MSN: variants seen among roughly 807,000 people sequenced by gnomAD.
The protein encoded by MSN is moesin.
A neutral mutation model predicts 48.0 loss-of-function variants in MSN; 2 were observed. The ratio of observed to expected loss-of-function variants is 0.04; its 90% confidence interval spans 0.02 to 0.13. The LOEUF (loss-of-function observed/expected upper bound fraction) is 0.13, where lower values mean the gene tolerates loss of function less well. MSN is among the 10% of genes least tolerant of loss of function. The probability of loss-of-function intolerance (pLI) is 1.00; values close to 1 mark genes in which losing one functional copy is unlikely to be tolerated. For missense variants in MSN, 267 were observed against 470.1 expected (o/e 0.57, Z 3.99); for synonymous variants, 146 against 166.9 (o/e 0.87, Z 0.97).
At chrX:65,648,135 TG>T (rs377057506) in intron 1 of MSN, among the ~76,000 whole-genome samples, 1,359 of 60,399 alleles carry the variant, frequency 0.023, 22 homozygotes, top group African/African-American at 0.079. Flanking sequence ...CTGGAGGGGG[TG>T]GGGGGGGCGT....
intron 1 of MSN, among the ~76,000 whole-genome samples, chrX:65,605,224 T>C (rs1416974378): frequency 8.9e-6 from 1 of 112,635 alleles, no homozygotes; most frequent in African/African-American, 3.2e-5. Flanking sequence ...CCAAAGCTTG[T>C]TCCTACACAA....
chrX:65,736,453 T>C (rs2071676886), intron 8 of MSN, among the ~76,000 whole-genome samples: 1 of 102,893 alleles, frequency 9.7e-6, no homozygotes, highest in Admixed American at 1.0e-4. Context: ...TTTTTTTTTT[T>C]AGATGGAGTC....
At chrX:65,667,653 C>A (rs943756896), upstream of MSN, 13 of 1,038,175 alleles carry the variant, frequency 1.3e-5, no homozygotes, top group African/African-American at 2.5e-4. Flanking sequence ...GCGACAGGGG[C>A]GGCTCTTTCC....
intron 3 of MSN, among the ~76,000 whole-genome samples, chrX:65,728,926 G>C: frequency 8.9e-6 from 1 of 111,777 alleles, no homozygotes; most frequent in Middle Eastern, 4.6e-3. Flanking sequence ...CCCACCTTCT[G>C]CTGGTAGAGT....
chrX:65,648,971 A>T (rs1388838887), intron 1 of MSN, among the ~76,000 whole-genome samples: 3 of 110,765 alleles, frequency 2.7e-5, no homozygotes, highest in African/African-American at 9.8e-5. Flanking sequence ...CTGGGTATGG[A>T]TGAGGAGAAA....
intron 1 of MSN, among the ~76,000 whole-genome samples, chrX:65,657,719 C>T (rs985304079): frequency 3.6e-5 from 4 of 111,497 alleles, no homozygotes; most frequent in Middle Eastern, 4.6e-3. Flanking sequence ...CCTGCTATCT[C>T]GAACCATTAG....
chrX:65,630,917 C>T (rs1055296362), intron 1 of MSN, among the ~76,000 whole-genome samples: 1 of 111,013 alleles, frequency 9.0e-6, no homozygotes, highest in Non-Finnish European at 1.9e-5. Context: ...CTATAGTCCC[C>T]TGCATTTTTC....
At chrX:65,731,301 A>C in intron 5 of MSN, 111 bp downstream of exon 5, 1 of 648,296 alleles carries the variant, frequency 1.5e-6, no homozygotes, top group South Asian at 2.9e-5. Context: ...TTGGAGAAAG[A>C]GGGAACAGGG....
At chrX:65,734,504 A>G (rs1203070251) in intron 7 of MSN, among the ~76,000 whole-genome samples, 1 of 111,949 alleles carries the variant, frequency 8.9e-6, no homozygotes, top group African/African-American at 3.2e-5. Context: ...CCCAAGCTAT[A>G]TGAGACAGTA....
At chrX:65,627,382 T>G (rs906909841) in intron 1 of MSN, among the ~76,000 whole-genome samples, 4 of 109,353 alleles carry the variant, frequency 3.7e-5, no homozygotes, top group African/African-American at 1.4e-4. Flanking sequence ...GACTTACAAT[T>G]CCACATGGCT....
intron 3 of MSN, among the ~76,000 whole-genome samples, chrX:65,728,539 C>T (rs774572792): frequency 4.5e-5 from 5 of 110,595 alleles, no homozygotes; most frequent in African/African-American, 6.6e-5. Flanking sequence ...GTGATCCGCC[C>T]GCCTCGGCCT....
chrX:65,683,022 C>T (rs1403267759), intron 1 of MSN, among the ~76,000 whole-genome samples: 2 of 112,277 alleles, frequency 1.8e-5, no homozygotes, highest in African/African-American at 6.5e-5. Context: ...CAGTAGTGTT[C>T]GTGTCAAGTG....
At chrX:65,608,914 A>G (rs968678391) in intron 1 of MSN, among the ~76,000 whole-genome samples, 3 of 110,878 alleles carry the variant, frequency 2.7e-5, no homozygotes, top group Non-Finnish European at 5.7e-5. Flanking sequence ...CTGGTTGTGA[A>G]GTGAAATTGC....
chrX:65,724,925 G>T (rs995254976), intron 2 of MSN, among the ~76,000 whole-genome samples: 2 of 111,568 alleles, frequency 1.8e-5, no homozygotes, highest in African/African-American at 6.5e-5. Context: ...CTGACCTCAT[G>T]ATCTGCCCAT....
At chrX:65,637,818 A>G (rs2070617690) in intron 1 of MSN, among the ~76,000 whole-genome samples, 1 of 111,493 alleles carries the variant, frequency 9.0e-6, no homozygotes, top group African/African-American at 3.3e-5. Flanking sequence ...GTGAACCACC[A>G]TGCCTCTATT....
intron 1 of MSN, among the ~76,000 whole-genome samples, chrX:65,592,123 A>G (rs1459060590): frequency 9.8e-6 from 1 of 101,959 alleles, no homozygotes; most frequent in Admixed American, 1.1e-4. Context: ...GTCCTCAGAG[A>G]CTCCAAGCAG....
At chrX:65,590,429 C>A (rs1198761993) in intron 1 of MSN, among the ~76,000 whole-genome samples, 2 of 111,057 alleles carry the variant, frequency 1.8e-5, no homozygotes, top group East Asian at 5.7e-4. Flanking sequence ...GCTTCTTGAC[C>A]AACCTCAGTC....
chrX:65,727,462 G>A lies in MSN; in HGVS notation c.97-352G>A, dbSNP rs189368815. Reference sequence around the variant, plus strand: ...TTCTGTCACTCACAACCTGAAACTTGGGCAAGTTATTTCATTTATTTGAAC... The same window carrying A: ...TTCTGTCACTCACAACCTGAAACTTAGGCAAGTTATTTCATTTATTTGAAC... On this transcript the variant is annotated intron_variant, in intron 2 of 12. Coordinates refer to ENST00000360270, the MANE Select transcript of MSN (RefSeq NM_002444.3). Among the ~76,000 whole-genome samples, 4 of 111,829 alleles carry A rather than the reference G, an allele frequency of 3.6e-5. No individual in the cohort carries two copies. In the East Asian group the frequency reaches 1.1e-3, roughly 31 times the overall value.
intron 1 of MSN, among the ~76,000 whole-genome samples, chrX:65,648,198 G>A (rs2070709665): frequency 8.9e-6 from 1 of 111,908 alleles, no homozygotes; most frequent in Admixed American, 9.5e-5. Flanking sequence ...AAGGGGACAA[G>A]TTTGAGGAGA....
Sources: allele counts gnomAD v4.1 joint callset (sites outside exome capture counted in the v4.1 genomes callset), GRCh38; gene constraint gnomAD v4.1.1; transcripts MANE v1.5; gene names NCBI Gene and HGNC (gene_info 2026-07-23, HGNC 2026-07-21).